The following SORCS2 variants were observed in gnomAD, a reference collection of about 807,000 sequenced individuals.
SORCS2 encodes VPS10 domain-containing receptor SorCS2.
Under a neutral mutation model 141.6 loss-of-function variants are expected in SORCS2, and 100 were observed. That is an observed-to-expected ratio of 0.71 (90% CI 0.60 to 0.83). The LOEUF is 0.83. Among genes scored for constraint, SORCS2 ranks in the 40% least tolerant of loss-of-function variants. SORCS2 has a pLI of 0.00. For missense variants in SORCS2, 1,646 were observed against 1,560.2 expected, an observed-to-expected ratio of 1.05 and a Z score of -0.93; for synonymous variants, 789 against 676.9, an observed-to-expected ratio of 1.17 and a Z score of -2.57.
intron 8 of SORCS2, among the ~76,000 whole-genome samples, chr4:7,668,508 CA>C (rs2108933470): frequency 6.6e-6 from 1 of 152,250 alleles, no homozygotes; most frequent in South Asian, 2.1e-4. Flanking sequence ...CTGGGCCCTC[CA>C]AACCCAGGCT....
intron 3 of SORCS2, among the ~76,000 whole-genome samples, chr4:7,590,908 A>G (rs575028464): frequency 6.6e-6 from 1 of 152,222 alleles, no homozygotes; most frequent in Non-Finnish European, 1.5e-5. Context: ...ACACATCACC[A>G]TATCTATATA....
chr4:7,661,277 A>G (rs58934024), intron 5 of SORCS2, among the ~76,000 whole-genome samples: 2,100 of 105,650 alleles, frequency 0.02, 28 homozygotes, highest in Middle Eastern at 0.031. Flanking sequence ...ACTCAAGGAA[A>G]ACGCAGAGAC....
At chr4:7,289,816 GC>G (rs1716491157) in intron 1 of SORCS2, among the ~76,000 whole-genome samples, 1 of 152,170 alleles carries the variant, frequency 6.6e-6, no homozygotes, top group Admixed American at 6.5e-5. Context: ...TAGAGACGGC[GC>G]TCGGCTTGCG....
chr4:7,386,160 G>A (rs751722296), intron 1 of SORCS2, among the ~76,000 whole-genome samples: 1 of 147,970 alleles, frequency 6.8e-6, no homozygotes, highest in Non-Finnish European at 1.5e-5. Context: ...CAGGTACACA[G>A]AGATACACAT....
chr4:7,445,109 G>A (rs564213326), intron 2 of SORCS2, among the ~76,000 whole-genome samples: 65 of 119,064 alleles, frequency 5.5e-4, no homozygotes, highest in African/African-American at 3.5e-3. Context: ...AAGATGGGCT[G>A]GCTGTCTCTT....
At chr4:7,370,363 AG>A (rs1264679484) in intron 1 of SORCS2, among the ~76,000 whole-genome samples, 2 of 152,104 alleles carry the variant, frequency 1.3e-5, no homozygotes, top group African/African-American at 4.8e-5. Context: ...ACCTGCTCTG[AG>A]CGTGCGGCTC....
intron 1 of SORCS2, among the ~76,000 whole-genome samples, chr4:7,294,507 C>G (rs1228471020): frequency 6.8e-6 from 1 of 147,078 alleles, no homozygotes; most frequent in Non-Finnish European, 1.5e-5. Context: ...CAGGGAGCTC[C>G]TCCTCCATGC....
chr4:7,352,051 C>T (rs1329030878), intron 1 of SORCS2, among the ~76,000 whole-genome samples: 1 of 152,102 alleles, frequency 6.6e-6, no homozygotes, highest in Non-Finnish European at 1.5e-5. Context: ...TCCACCCACC[C>T]AATACTTGCT....
At position 7,286,854 on chromosome 4, in the gene SORCS2, G is replaced by C. The variant is rs959964306; in HGVS notation, c.480+93728G>C. Among the ~76,000 whole-genome samples the C allele has an allele frequency of 2.0e-5, 3 of 152,138 alleles. No homozygotes were observed. Among genetic ancestry groups the C allele is most frequent in the Admixed American group, 2.0e-4 (3 of 15,272 alleles). ...TTTTCAGGGTACAGGAGCTATGGAA[G>C]GTCCCAAGAGGAAAGTGTCCTGACG... On this transcript the variant is annotated intron_variant, in intron 1 of 26. Coordinates refer to ENST00000507866, the MANE Select transcript of SORCS2 (RefSeq NM_020777.3). The surrounding 1 kb of genome is among the most constrained non-coding windows in gnomAD (Gnocchi z 4.1).
chr4:7,504,272 C>G (rs1577668937), intron 2 of SORCS2, among the ~76,000 whole-genome samples: 1 of 152,182 alleles, frequency 6.6e-6, no homozygotes, highest in African/African-American at 2.4e-5. Context: ...AATTCAAACT[C>G]AAATGCCTTT....
intron 4 of SORCS2, among the ~76,000 whole-genome samples, chr4:7,639,773 G>A (rs1720526296): frequency 6.7e-6 from 1 of 149,304 alleles, no homozygotes. Flanking sequence ...GGGTGTGAAC[G>A]TGTGTGTGTG....
In SORCS2 at chr4:7,640,692, C is replaced by A. The variant is rs1043307739; in HGVS notation, c.813+2200C>A. ...CCCTGTGAGGTGATGGTCCCAGGTT[C>A]TAAGGATTAGGACATAGATACATTT... On this transcript the variant is annotated intron_variant, in intron 4 of 26. Transcript: ENST00000507866. Among the ~76,000 whole-genome samples, 4 of 151,930 alleles carry A rather than the reference C, an allele frequency of 2.6e-5. No individual in the cohort carries two copies. The East Asian group carries it at 7.7e-4, about 29-fold the overall frequency.
intron 1 of SORCS2, among the ~76,000 whole-genome samples, chr4:7,300,163 C>G (rs1717341558): frequency 6.6e-6 from 1 of 152,146 alleles, no homozygotes; most frequent in South Asian, 2.1e-4. Context: ...AGGAGCCGAG[C>G]TGGGTTCTTG....
intron 2 of SORCS2, among the ~76,000 whole-genome samples, chr4:7,435,185 C>T (rs1404839678): frequency 6.6e-6 from 1 of 152,104 alleles, no homozygotes; most frequent in Non-Finnish European, 1.5e-5. Flanking sequence ...GGGCTGTGTC[C>T]CCCACCCTCC....
At chr4:7,530,906 C>A (rs999110189) in intron 2 of SORCS2, among the ~76,000 whole-genome samples, 1 of 152,182 alleles carries the variant, frequency 6.6e-6, no homozygotes, top group East Asian at 1.9e-4. Flanking sequence ...CACTCCAGGG[C>A]GGGCATAGTG....
rs756516584 is a variant in SORCS2 at position 7,740,228 on chromosome 4, C to T, written c.3444C>T (p.Ile1148=). ...QGNHSGVVLS[I]NSREMHSYLV... ...ACCACTCAGGCGTGGTCCTGAGCAT[C>T]AACTCCCGAGAGATGCACAGCTACC... Residue 1148 remains isoleucine, a synonymous_variant, in exon 27 of 27, where the codon ATC becomes ATT. Transcript: ENST00000507866. The T allele has an allele frequency of 1.2e-6, 2 of 1,609,856 alleles. No homozygotes were observed. Among genetic ancestry groups the T allele is most frequent in the Admixed American group, 3.3e-5 (2 of 59,932 alleles).
At chr4:7,439,029 G>T (rs1204628481) in intron 2 of SORCS2, among the ~76,000 whole-genome samples, 1 of 152,130 alleles carries the variant, frequency 6.6e-6, no homozygotes, top group Non-Finnish European at 1.5e-5. Flanking sequence ...CCTGGAATCA[G>T]CCTGTTCTCC....
At chr4:7,225,144 C>A (rs1160171061) in intron 1 of SORCS2, among the ~76,000 whole-genome samples, 3 of 152,220 alleles carry the variant, frequency 2.0e-5, no homozygotes, top group Admixed American at 1.3e-4. Context: ...TACAGAGTTA[C>A]TCCCATCTTC....
chr4:7,439,683 G>A (rs899952524), intron 2 of SORCS2, among the ~76,000 whole-genome samples: 5 of 152,168 alleles, frequency 3.3e-5, no homozygotes, highest in Non-Finnish European at 5.9e-5. Flanking sequence ...TGCCTCTTTC[G>A]CTTGATGTTA....
Sources: gnomAD v4.1 joint callset for allele counts (sites outside exome capture counted in the v4.1 genomes callset) on GRCh38, gnomAD v4.1.1 for gene constraint, Gnocchi (gnomAD v3.1) non-coding constraint, MANE v1.5 for transcripts, NCBI Gene and HGNC (gene_info 2026-07-23, HGNC 2026-07-21) for gene names.